Variants in ARSK observed in about 807,000 individuals in gnomAD.
ARSK encodes arylsulfatase K.
A neutral mutation model predicts 53.2 loss-of-function variants in ARSK; 37 were observed. The ratio of observed to expected loss-of-function variants is 0.70; its 90% CI spans 0.54 to 0.92. The LOEUF is 0.92. ARSK is among the 40% of genes least tolerant of loss of function. ARSK has a pLI of 0.00. For synonymous variants in ARSK, 208 were observed against 223.2 expected (o/e 0.93, Z 0.61); for missense variants, 613 against 643.0 (o/e 0.95, Z 0.51).
At chr5:95,560,689 CTT>C (rs1748615106) in intron 1 of ARSK, among the ~76,000 whole-genome samples, 1 of 150,830 alleles carries the variant, frequency 6.6e-6, no homozygotes, top group African/African-American at 2.4e-5. Context: ...CAAAAAAAAA[CTT>C]TAAGTAAATT....
At chr5:95,591,146 C>T (rs1287598513) in intron 5 of ARSK, among the ~76,000 whole-genome samples, 2 of 152,122 alleles carry the variant, frequency 1.3e-5, no homozygotes, top group African/African-American at 4.8e-5. Context: ...AACAAGCCGG[C>T]ATGATCTCCA....
At chr5:95,583,354 A>T (rs1749054540) in intron 4 of ARSK, among the ~76,000 whole-genome samples, 156 bp downstream of exon 4, 1 of 152,202 alleles carries the variant, frequency 6.6e-6, no homozygotes, top group Admixed American at 6.6e-5. Flanking sequence ...CTAAAGGGAC[A>T]ATTTTACAGA....
At chr5:95,587,900 C>T (rs1029827970) in intron 5 of ARSK, among the ~76,000 whole-genome samples, 9 of 136,960 alleles carry the variant, frequency 6.6e-5, no homozygotes, top group East Asian at 4.0e-4. Flanking sequence ...AGCAAGACTA[C>T]GTCTCAAAAA....
At chr5:95,560,528 A>G (rs564444280) in intron 1 of ARSK, among the ~76,000 whole-genome samples, 29 of 152,306 alleles carry the variant, frequency 1.9e-4, no homozygotes, top group Admixed American at 1.4e-3. Context: ...TCTAAAGTCC[A>G]GAAATAAACT....
At chr5:95,561,003 G>A (rs1208919312) in intron 1 of ARSK, among the ~76,000 whole-genome samples, 1 of 151,932 alleles carries the variant, frequency 6.6e-6, no homozygotes, top group Admixed American at 6.6e-5. Flanking sequence ...TAGAGATGGG[G>A]TTTCACCGTA....
At chr5:95,601,321 G>A (rs763580802) in intron 7 of ARSK, among the ~76,000 whole-genome samples, 3 of 152,142 alleles carry the variant, frequency 2.0e-5, no homozygotes, top group Non-Finnish European at 4.4e-5. Context: ...TCTGATCAGG[G>A]CATCTTTCAG....
chr5:95,555,139 G>C lies in ARSK; in HGVS notation c.-140G>C. 1 of 670,746 alleles carries C rather than the reference G, an allele frequency of 1.5e-6. No homozygotes were observed. The allele number at this position is 670,746 out of a possible 1,614,324, so 41.5% of individuals were successfully genotyped here. The stretch of plus-strand genomic sequence containing the variant: ...GCCTGATAGGAGTTGTAGTTCTGCG[G>C]GTGAAGCTCGGCGTTACTATCAAGC... On this transcript the variant is annotated 5_prime_UTR_variant, in exon 1 of 8. Transcript: ENST00000380009. This position sits in a 1 kb window ranked among gnomAD's most constrained non-coding sequence, Gnocchi z 4.0.
intron 4 of ARSK, among the ~76,000 whole-genome samples, chr5:95,586,239 A>G (rs1329729427): frequency 6.6e-6 from 1 of 152,158 alleles, no homozygotes; most frequent in Non-Finnish European, 1.5e-5. Context: ...ACACAACTAT[A>G]TATTAAAGTG....
At chr5:95,568,096 G>T in intron 3 of ARSK, 47 bp downstream of exon 3, 1 of 1,558,126 alleles carries the variant, frequency 6.4e-7, no homozygotes, top group South Asian at 1.2e-5. Context: ...CTCTGCCATA[G>T]CGTGTACATG....
At chr5:95,559,335 A>G (rs61133215) in intron 1 of ARSK, among the ~76,000 whole-genome samples, 1,601 of 152,280 alleles carry the variant, frequency 0.011, 25 homozygotes, top group African/African-American at 0.037. Context: ...TATGGTATTT[A>G]TGGGATGTGG....
At position 95,582,824 on chromosome 5, in the gene ARSK, T is replaced by C. The variant is rs1749039548; in HGVS notation, c.417-92T>C. ...CATTTACAAGACTGAGTCTAAAAATTGTTTTCCATGTTGTTTTCTTAGTGT... is the reference window on the plus strand; with the variant it reads ...CATTTACAAGACTGAGTCTAAAAATCGTTTTCCATGTTGTTTTCTTAGTGT... On this transcript the variant is annotated intron_variant, in intron 3 of 7. Coordinates refer to ENST00000380009, the MANE Select transcript of ARSK (RefSeq NM_198150.3). 13 of 1,243,046 alleles carry C rather than the reference T, an allele frequency of 1.0e-5. No individual in the cohort carries two copies. In the East Asian group the frequency reaches 3.1e-4, roughly 30 times the overall value. 77.0% of individuals were successfully genotyped at this position (1,243,046 alleles called of 1,614,324 possible).
Position 95,603,844 on chromosome 5 carries a change from T to TG in ARSK, c.*318_*319insG, listed in dbSNP as rs1749455782. Reference sequence around the variant, plus strand: ...ATCGCTTGAACCCGGGAGGCAGCAGTTGCAGTGAGCTGAGATTGCGCCACT... The same window carrying TG: ...ATCGCTTGAACCCGGGAGGCAGCAGTGTGCAGTGAGCTGAGATTGCGCCACT... On this transcript the variant is annotated 3_prime_UTR_variant, in exon 8 of 8. Coordinates refer to ENST00000380009, the MANE Select transcript of ARSK (RefSeq NM_198150.3). The TG allele has an allele frequency of 6.3e-6, 1 of 159,270 alleles. No homozygotes were observed. The highest frequency in any genetic ancestry group is 2.7e-3 in the Middle Eastern group (1 of 368). The allele number at this position is 159,270 out of a possible 1,614,324, so 9.9% of individuals were successfully genotyped here.
intron 1 of ARSK, among the ~76,000 whole-genome samples, chr5:95,558,411 G>GA (rs1238402662): frequency 6.6e-6 from 1 of 152,094 alleles, no homozygotes; most frequent in Non-Finnish European, 1.5e-5. Flanking sequence ...AAATAGTAGA[G>GA]AAAATCAATG....
At chr5:95,575,602 T>G (rs1748911807) in intron 3 of ARSK, among the ~76,000 whole-genome samples, 1 of 152,208 alleles carries the variant, frequency 6.6e-6, no homozygotes, top group East Asian at 1.9e-4. Flanking sequence ...TTTAATTAAT[T>G]CCTAAGTATT....
intron 1 of ARSK, among the ~76,000 whole-genome samples, chr5:95,565,557 G>A (rs1718236428): frequency 6.6e-6 from 1 of 152,046 alleles, no homozygotes; most frequent in Admixed American, 6.5e-5. Context: ...CTGTATCTCG[G>A]ATTTTTTTCA....
intron 3 of ARSK, chr5:95,581,084 T>C (rs1749014487): frequency 3.0e-6 from 1 of 331,596 alleles, no homozygotes; most frequent in Non-Finnish European, 5.6e-6. Flanking sequence ...CAAGAGAGGA[T>C]ACCACTAAGA....
chr5:95,559,664 A>G (rs967810924), intron 1 of ARSK, among the ~76,000 whole-genome samples: 12 of 152,208 alleles, frequency 7.9e-5, no homozygotes, highest in Admixed American at 7.9e-4. Context: ...AGAAGATTTG[A>G]CAATCCTTAT....
At chr5:95,578,775 T>G (rs1267544556) in intron 3 of ARSK, among the ~76,000 whole-genome samples, 1 of 152,198 alleles carries the variant, frequency 6.6e-6, no homozygotes, top group Admixed American at 6.5e-5. Context: ...TTAAGGTATA[T>G]TTTTTCAGAT....
chr5:95,574,298 T>C (rs1748885731), intron 3 of ARSK, among the ~76,000 whole-genome samples: 1 of 152,248 alleles, frequency 6.6e-6, no homozygotes, highest in South Asian at 2.1e-4. Context: ...TGACTAGTAC[T>C]GTAAGCAACA....
Sources: allele counts gnomAD v4.1 joint callset (sites outside exome capture counted in the v4.1 genomes callset), GRCh38; gene constraint gnomAD v4.1.1; non-coding constraint Gnocchi (gnomAD v3.1); transcripts MANE v1.5; gene names NCBI Gene and HGNC (gene_info 2026-07-23, HGNC 2026-07-21).